The following MAD1L1 variants were observed in gnomAD, a reference collection of about 807,000 sequenced individuals.
The protein encoded by MAD1L1 is mitotic spindle assembly checkpoint protein MAD1.
A neutral mutation model predicts 96.9 loss-of-function variants in MAD1L1; 95 were observed. The ratio of observed to expected loss-of-function variants is 0.98; its 90% CI spans 0.83 to 1.16. The LOEUF is 1.16. Ranked by LOEUF, MAD1L1 falls within the 50% of genes most tolerant of loss-of-function variation. The pLI is 0.00. For missense variants in MAD1L1, 1,007 were observed against 954.4 expected (o/e 1.06, Z -0.73); for synonymous variants, 473 against 396.6 (o/e 1.19, Z -2.29).
chr7:2,218,359 C>G (rs1380756448), intron 6 of MAD1L1, among the ~76,000 whole-genome samples: 1 of 152,172 alleles, frequency 6.6e-6, no homozygotes, highest in Non-Finnish European at 1.5e-5. Flanking sequence ...CACCTGCCTG[C>G]GGCAACCCCC....
At chr7:2,083,121 A>T (rs114231341) in intron 11 of MAD1L1, among the ~76,000 whole-genome samples, 1 of 152,204 alleles carries the variant, frequency 6.6e-6, no homozygotes, top group South Asian at 2.1e-4. Context: ...TCGACCAATA[A>T]AGAAACATCT....
intron 11 of MAD1L1, among the ~76,000 whole-genome samples, chr7:2,102,090 C>T (rs1437603387): frequency 6.6e-6 from 1 of 152,068 alleles, no homozygotes; most frequent in African/African-American, 2.4e-5. Context: ...AAAACGCAGG[C>T]TAGGTCCTGG....
chr7:2,106,005 C>CCCTGCCCCACACATGGCCCCGTG (rs1562692735), intron 11 of MAD1L1, among the ~76,000 whole-genome samples: 5 of 115,816 alleles, frequency 4.3e-5, no homozygotes, highest in African/African-American at 1.6e-4. Context: ...ATGGCCCCGC[C>CCCTGCCCCACACATGGCCCCGTG]CCTGCCCCAC....
In MAD1L1 at chr7:2,211,945, A is replaced by G. The variant is rs147606839; in HGVS notation, c.986+1267T>C. 6.1e-3 allele frequency among the ~76,000 whole-genome samples: 923 copies of G among 152,282 alleles called. 8 individuals are homozygous for G. The highest frequency in any genetic ancestry group is 8.0e-3 in the Non-Finnish European group (546 of 68,016). On this transcript the variant is annotated intron_variant, in intron 10 of 18. Coordinates refer to ENST00000265854, the MANE Select transcript of MAD1L1 (RefSeq NM_001013836.2). ...CCTTGAAATCTCACAAGCAAACACA[A>G]TAAGAGGCCGCCTCGGCACCAGCAC...
chr7:1,950,871 C>T (rs1365968000), intron 16 of MAD1L1, among the ~76,000 whole-genome samples: 1 of 152,262 alleles, frequency 6.6e-6, no homozygotes, highest in Non-Finnish European at 1.5e-5. Context: ...GCTCACAGCA[C>T]ATCGCCTGCC....
intron 5 of MAD1L1, among the ~76,000 whole-genome samples, chr7:2,222,360 G>A (rs1200346975): frequency 1.3e-5 from 2 of 152,204 alleles, no homozygotes; most frequent in African/African-American, 2.4e-5. Context: ...GATTACAGGC[G>A]TGAGCCACCG....
intron 10 of MAD1L1, among the ~76,000 whole-genome samples, chr7:2,152,584 C>G (rs1479826842): frequency 6.6e-6 from 1 of 152,174 alleles, no homozygotes; most frequent in African/African-American, 2.4e-5. Flanking sequence ...CTTGCAGAGA[C>G]AGAGGGAAGG....
chr7:1,928,336 C>A (rs1030989692), intron 17 of MAD1L1, among the ~76,000 whole-genome samples: 14 of 152,034 alleles, frequency 9.2e-5, no homozygotes, highest in Non-Finnish European at 1.8e-4. Flanking sequence ...CCTAGAGGAG[C>A]CCACGACGGA....
At chr7:1,900,097 C>T (rs777030086) in intron 17 of MAD1L1, among the ~76,000 whole-genome samples, 1 of 152,198 alleles carries the variant, frequency 6.6e-6, no homozygotes, top group South Asian at 2.1e-4. Flanking sequence ...TGGGCACCCC[C>T]GATGGCGTGA....
chr7:1,985,588 A>C (rs537568746), intron 14 of MAD1L1, among the ~76,000 whole-genome samples: 3 of 152,360 alleles, frequency 2.0e-5, no homozygotes, highest in African/African-American at 7.2e-5. Flanking sequence ...TCAACAGCGA[A>C]GCCGCCATCC....
intron 12 of MAD1L1, among the ~76,000 whole-genome samples, chr7:2,064,983 T>G (rs1784819174): frequency 6.6e-6 from 1 of 152,128 alleles, no homozygotes; most frequent in Admixed American, 6.5e-5. Flanking sequence ...GGATGGTGGC[T>G]TCTTCCAGGA....
intron 12 of MAD1L1, among the ~76,000 whole-genome samples, chr7:2,030,510 G>A (rs55695483): frequency 0.08 from 12,236 of 152,286 alleles, 685 homozygotes; most frequent in Non-Finnish European, 0.13. Context: ...ATTAGAGCCT[G>A]TTACACGCGG....
chr7:1,874,430 T>C, intron 18 of MAD1L1: 1 of 432,682 alleles, frequency 2.3e-6, no homozygotes, highest in Admixed American at 2.7e-5. Context: ...ACATCGAGGG[T>C]AGCACCCGCC....
chr7:1,918,280 C>G (rs1305036040), intron 17 of MAD1L1, among the ~76,000 whole-genome samples: 1 of 152,166 alleles, frequency 6.6e-6, no homozygotes, highest in African/African-American at 2.4e-5. Context: ...TGTGTCCCAG[C>G]CCTGGGACCT....
rs1220115720 is a variant in MAD1L1 at position 2,100,019 on chromosome 7, C to T, written c.1074-30681G>A. ...CCTTACAGGTAGAGGTCATTCCTTACACTTCGCCCCCAGCCACACAAAGCC... is the reference window on the plus strand; with the variant it reads ...CCTTACAGGTAGAGGTCATTCCTTATACTTCGCCCCCAGCCACACAAAGCC... On this transcript the variant is annotated intron_variant, in intron 11 of 18. Coordinates refer to ENST00000265854, the MANE Select transcript of MAD1L1 (RefSeq NM_001013836.2). Among the ~76,000 whole-genome samples the T allele has an allele frequency of 2.6e-5, 4 of 152,250 alleles. No individual in the cohort carries two copies. In the East Asian group the frequency reaches 7.7e-4, roughly 29 times the overall value.
chr7:1,967,222 C>A (rs1780204869), intron 15 of MAD1L1, among the ~76,000 whole-genome samples: 1 of 152,088 alleles, frequency 6.6e-6, no homozygotes, highest in African/African-American at 2.4e-5. Context: ...TACTCTAATT[C>A]CCAGAGCAAA....
chr7:1,907,700 G>A (rs1469287186), intron 17 of MAD1L1, among the ~76,000 whole-genome samples: 2 of 152,238 alleles, frequency 1.3e-5, no homozygotes, highest in African/African-American at 4.8e-5. Context: ...CTGCCCCCGG[G>A]TCAGTGAGAC....
chr7:2,150,089 C>T (rs1402148116), intron 10 of MAD1L1, among the ~76,000 whole-genome samples: 1 of 152,184 alleles, frequency 6.6e-6, no homozygotes, highest in Non-Finnish European at 1.5e-5. Flanking sequence ...TGTGAGAGCC[C>T]CACCCAGCCC....
At chr7:1,838,594 C>T (rs575755613) in intron 18 of MAD1L1, 74 of 368,958 alleles carry the variant, frequency 2.0e-4, no homozygotes, top group South Asian at 1.4e-3. Flanking sequence ...CCACTCGCCG[C>T]TGAGCCCATC....
Sources: allele counts gnomAD v4.1 joint callset (sites outside exome capture counted in the v4.1 genomes callset), GRCh38; gene constraint gnomAD v4.1.1; transcripts MANE v1.5; gene names NCBI Gene and HGNC (gene_info 2026-07-23, HGNC 2026-07-21).